Variants in KAT2B observed in about 807,000 individuals in gnomAD.
KAT2B encodes the protein histone acetyltransferase KAT2B.
A neutral mutation model predicts 105.9 loss-of-function variants in KAT2B; 36 were observed. The observed-to-expected ratio is 0.34, with a 90% CI of 0.26 to 0.45. KAT2B has a LOEUF of 0.45. Ranked by LOEUF, KAT2B falls within the 20% of genes least tolerant of loss-of-function variation. The pLI is 1.00. For missense variants in KAT2B, 820 were observed against 1,021.6 expected (o/e 0.80, Z 2.69); for synonymous variants, 397 against 377.9 (o/e 1.05, Z -0.59).
At chr3:20,134,068 T>C (rs1699558526) in intron 11 of KAT2B, among the ~76,000 whole-genome samples, 1 of 152,200 alleles carries the variant, frequency 6.6e-6, no homozygotes. Context: ...ATGGTATCTT[T>C]GATTACTTAT....
intron 1 of KAT2B, among the ~76,000 whole-genome samples, chr3:20,044,150 G>T (rs1425913160): frequency 6.6e-6 from 1 of 151,944 alleles, no homozygotes; most frequent in Non-Finnish European, 1.5e-5. Context: ...CCTGGTAAAG[G>T]TTGCTTCAGA....
At chr3:20,120,051 A>C (rs1316714249) in intron 8 of KAT2B, among the ~76,000 whole-genome samples, 1 of 152,100 alleles carries the variant, frequency 6.6e-6, no homozygotes, top group Non-Finnish European at 1.5e-5. Context: ...TGGCTAGAGC[A>C]CTTAAGCTGA....
In KAT2B at chr3:20,111,588, T is replaced by C; in HGVS notation, c.852-8T>C. 6.2e-7 allele frequency: 1 copy of C among 1,603,738 alleles called. No homozygotes were observed. The highest frequency in any genetic ancestry group is 8.5e-7 in the Non-Finnish European group (1 of 1,174,772). ...GATATTGATGGTGCTTGACTTCTCT[T>C]GTCACAGGTGGCTGTGTTACTGCAA... On this transcript the variant is annotated splice_polypyrimidine_tract_variant and splice_region_variant and intron_variant, in intron 5 of 17. Coordinates refer to ENST00000263754, the MANE Select transcript of KAT2B (RefSeq NM_003884.5).
At chr3:20,040,988 C>T (rs377680654) in intron 1 of KAT2B, among the ~76,000 whole-genome samples, 6 of 152,258 alleles carry the variant, frequency 3.9e-5, no homozygotes, top group South Asian at 2.1e-4. Context: ...GAAGGGGGAT[C>T]ACTAAGACGG....
At chr3:20,089,483 C>T (rs1430924291) in intron 2 of KAT2B, among the ~76,000 whole-genome samples, 2 of 151,516 alleles carry the variant, frequency 1.3e-5, no homozygotes, top group Non-Finnish European at 2.9e-5. Flanking sequence ...TCACTGCAAC[C>T]TCTGCCTCCC....
chr3:20,143,798 G>A (rs1219286301), intron 13 of KAT2B, among the ~76,000 whole-genome samples: 2 of 152,104 alleles, frequency 1.3e-5, no homozygotes, highest in Non-Finnish European at 2.9e-5. Flanking sequence ...ACAAAATACT[G>A]CATGTTTTCT....
intron 2 of KAT2B, among the ~76,000 whole-genome samples, chr3:20,089,404 T>TC (rs1392729520): frequency 6.7e-6 from 1 of 149,826 alleles, no homozygotes; most frequent in Non-Finnish European, 1.5e-5. Flanking sequence ...CTTCACTTTT[T>TC]TTTTTTTTTT....
chr3:20,083,476 C>G (rs758602233), intron 2 of KAT2B, among the ~76,000 whole-genome samples: 1 of 152,112 alleles, frequency 6.6e-6, no homozygotes, highest in Non-Finnish European at 1.5e-5. Flanking sequence ...TGAGGTTCAC[C>G]TGGGTGTTGA....
intron 13 of KAT2B, among the ~76,000 whole-genome samples, chr3:20,144,997 G>A (rs918726786): frequency 3.3e-5 from 5 of 151,698 alleles, no homozygotes; most frequent in Admixed American, 1.3e-4. Context: ...GGGTTTCACC[G>A]TGTTGGCCAG....
rs749141180 is a variant in KAT2B at position 20,140,402 on chromosome 3, C to A, written c.2004+38C>A. The A allele has an allele frequency of 2.5e-6, 4 of 1,606,428 alleles. No homozygotes were observed. In the South Asian group the frequency reaches 4.4e-5, roughly 18 times the overall value. ...TTGACTCCCTTACCTTCTGTACAGG[C>A]CAGTCTTAGCTGGGGTGGGTTGCAT... On this transcript the variant is annotated intron_variant, in intron 13 of 17. Coordinates refer to ENST00000263754, the MANE Select transcript of KAT2B (RefSeq NM_003884.5).
intron 7 of KAT2B, among the ~76,000 whole-genome samples, chr3:20,117,271 C>A (rs1466812637): frequency 6.6e-6 from 1 of 152,206 alleles, no homozygotes; most frequent in African/African-American, 2.4e-5. Context: ...GGCGTGTACA[C>A]TTTAGTATTA....
At chr3:20,045,601 C>T (rs1021732388) in intron 1 of KAT2B, among the ~76,000 whole-genome samples, 1 of 152,106 alleles carries the variant, frequency 6.6e-6, no homozygotes, top group Non-Finnish European at 1.5e-5. Flanking sequence ...TAAAGTATAT[C>T]ATCTACTAAC....
At chr3:20,097,936 A>G (rs765904687) in intron 3 of KAT2B, among the ~76,000 whole-genome samples, 2 of 152,062 alleles carry the variant, frequency 1.3e-5, no homozygotes, top group African/African-American at 2.4e-5. Flanking sequence ...GAATTAAAAA[A>G]TTTCAGTCTT....
intron 13 of KAT2B, among the ~76,000 whole-genome samples, chr3:20,141,419 G>A (rs17006642): frequency 0.011 from 1,687 of 152,106 alleles, 37 homozygotes; most frequent in African/African-American, 0.039. Flanking sequence ...AGTACACAAA[G>A]GCCATTTATT....
intron 11 of KAT2B, among the ~76,000 whole-genome samples, chr3:20,130,221 C>G (rs1328438525): frequency 6.6e-6 from 1 of 152,198 alleles, no homozygotes; most frequent in African/African-American, 2.4e-5. Context: ...ACTCCTAGCA[C>G]TAAGCATCAA....
At chr3:20,052,137 C>G (rs762607505) in intron 1 of KAT2B, among the ~76,000 whole-genome samples, 9 of 152,212 alleles carry the variant, frequency 5.9e-5, no homozygotes, top group Non-Finnish European at 1.3e-4. Context: ...TTCTCAAAGC[C>G]TCATTCCAGT....
intron 1 of KAT2B, among the ~76,000 whole-genome samples, chr3:20,066,076 C>T (rs148027576): frequency 8.5e-5 from 13 of 152,204 alleles, no homozygotes; most frequent in African/African-American, 3.1e-4. Context: ...GGGCCACACT[C>T]CTTTTGAAGG....
At chr3:20,133,943 T>C (rs1052027784) in intron 11 of KAT2B, among the ~76,000 whole-genome samples, 4 of 152,224 alleles carry the variant, frequency 2.6e-5, no homozygotes, top group African/African-American at 9.6e-5. Flanking sequence ...TTTTCTTTTA[T>C]TCTATCTCTT....
intron 2 of KAT2B, among the ~76,000 whole-genome samples, chr3:20,084,446 C>G (rs1698578899): frequency 6.6e-6 from 1 of 152,154 alleles, no homozygotes; most frequent in African/African-American, 2.4e-5. Flanking sequence ...ACAGGGGAGC[C>G]TCTTTCTTCT....
Sources: allele counts gnomAD v4.1 joint callset (sites outside exome capture counted in the v4.1 genomes callset), GRCh38; gene constraint gnomAD v4.1.1; transcripts MANE v1.5; gene names NCBI Gene and HGNC (gene_info 2026-07-23, HGNC 2026-07-21).